Variants in KANK1 observed in about 807,000 individuals in gnomAD.
KANK1 encodes KN motif and ankyrin repeat domain-containing protein 1.
In KANK1, 109 loss-of-function variants were observed where a neutral mutation model predicts 106.2. The observed-to-expected ratio is 1.03, with a 90% CI of 0.88 to 1.20. KANK1 has a LOEUF of 1.20. Ranked by LOEUF, KANK1 falls within the 50% of genes most tolerant of loss-of-function variation. The probability of loss-of-function intolerance (pLI) is 0.00; values close to 1 mark genes in which losing one functional copy is unlikely to be tolerated. For synonymous variants in KANK1, 873 were observed against 652.2 expected (o/e 1.34, Z -5.16); for missense variants, 2,399 against 1,710.7 (o/e 1.40, Z -7.10).
intron 1 of KANK1, among the ~76,000 whole-genome samples, chr9:646,075 CTT>C: frequency 6.6e-6 from 1 of 150,866 alleles, no homozygotes; most frequent in African/African-American, 2.5e-5. Flanking sequence ...CTAATAAAGT[CTT>C]TGTTTCCTTT....
chr9:726,628 A>T (rs967855321), intron 3 of KANK1, among the ~76,000 whole-genome samples: 1 of 151,304 alleles, frequency 6.6e-6, no homozygotes, highest in Non-Finnish European at 1.5e-5. Context: ...ACAGAGTAAG[A>T]CTCTGTCTCG....
At chr9:575,826 C>G (rs1820404029) in intron 1 of KANK1, among the ~76,000 whole-genome samples, 1 of 152,214 alleles carries the variant, frequency 6.6e-6, no homozygotes, top group Non-Finnish European at 1.5e-5. Context: ...AGTTCAAGAC[C>G]AGCCTGGTCA....
chr9:701,574 C>T (rs985382562), intron 2 of KANK1, among the ~76,000 whole-genome samples: 2 of 152,156 alleles, frequency 1.3e-5, no homozygotes, highest in Non-Finnish European at 2.9e-5. Flanking sequence ...ATGTGTGCAG[C>T]AGCTCTGGCC....
At chr9:742,622 A>T (rs922083260) in intron 10 of KANK1, among the ~76,000 whole-genome samples, 1 of 152,182 alleles carries the variant, frequency 6.6e-6, no homozygotes, top group Non-Finnish European at 1.5e-5. Context: ...AAGCAGAATA[A>T]ATAGGCCCTA....
intron 2 of KANK1, among the ~76,000 whole-genome samples, chr9:694,534 T>G (rs766949388): frequency 6.6e-6 from 1 of 152,170 alleles, no homozygotes; most frequent in Non-Finnish European, 1.5e-5. Context: ...TTTGGCTGTT[T>G]TGAGACAGAT....
At chr9:549,996 A>C (rs1196372571) in intron 1 of KANK1, among the ~76,000 whole-genome samples, 1 of 152,148 alleles carries the variant, frequency 6.6e-6, no homozygotes, top group Non-Finnish European at 1.5e-5. Context: ...CACTGGGGAC[A>C]CTGAGGTGGG....
intron 1 of KANK1, among the ~76,000 whole-genome samples, chr9:663,327 C>T (rs1326760306): frequency 6.6e-6 from 1 of 152,148 alleles, no homozygotes; most frequent in Admixed American, 6.5e-5. Context: ...GGAATGCTTG[C>T]TCAGTAAGAG....
intron 3 of KANK1, among the ~76,000 whole-genome samples, chr9:714,554 C>T (rs998620918): frequency 1.8e-4 from 27 of 151,920 alleles, no homozygotes; most frequent in African/African-American, 6.0e-4. Context: ...GATAGGGTTT[C>T]ACCACATTGG....
intron 5 of KANK1, 142 bp from the exon 6 acceptor site, chr9:732,236 C>A: frequency 1.0e-6 from 1 of 964,400 alleles, no homozygotes; most frequent in South Asian, 1.7e-5. Context: ...TTAAATAGAC[C>A]TTACTTTGAA....
intron 1 of KANK1, among the ~76,000 whole-genome samples, chr9:587,818 C>T (rs1823873680): frequency 6.6e-6 from 1 of 152,184 alleles, no homozygotes; most frequent in African/African-American, 2.4e-5. Context: ...GTAATGCCAG[C>T]ACTTTAGGAG....
chr9:517,831 C>T (rs2059357532), intron 1 of KANK1, among the ~76,000 whole-genome samples: 1 of 150,384 alleles, frequency 6.6e-6, no homozygotes, highest in Non-Finnish European at 1.5e-5. Context: ...CTCCGCCTCC[C>T]AGGTTCAAGT....
intron 1 of KANK1, among the ~76,000 whole-genome samples, chr9:582,032 A>G (rs1385681520): frequency 6.6e-6 from 1 of 152,160 alleles, no homozygotes; most frequent in Non-Finnish European, 1.5e-5. Flanking sequence ...TGAATGAGGA[A>G]ATTTCAGAGA....
At chr9:715,599 G>C (rs994454181) in intron 3 of KANK1, among the ~76,000 whole-genome samples, 1 of 152,186 alleles carries the variant, frequency 6.6e-6, no homozygotes, top group African/African-American at 2.4e-5. Flanking sequence ...TCACTGGTTA[G>C]ATCCAACCCT....
At chr9:499,869 G>A (rs1564126526), upstream of KANK1, among the ~76,000 whole-genome samples, 1 of 152,206 alleles carries the variant, frequency 6.6e-6, no homozygotes, top group Non-Finnish European at 1.5e-5. Flanking sequence ...TACTGATTTA[G>A]ACAAAGAGAA....
At chr9:577,168 G>T (rs1820786839) in intron 1 of KANK1, among the ~76,000 whole-genome samples, 1 of 152,224 alleles carries the variant, frequency 6.6e-6, no homozygotes, top group Non-Finnish European at 1.5e-5. Context: ...GCATGGAAGG[G>T]AACCCAAGCG....
At chr9:544,023 A>ATTATT in intron 1 of KANK1, among the ~76,000 whole-genome samples, 1 of 150,650 alleles carries the variant, frequency 6.6e-6, no homozygotes, top group East Asian at 2.0e-4. Context: ...ATTTTATTTT[A>ATTATT]TTATTTTATT....
chr9:543,906 T>G (rs1352108929), intron 1 of KANK1, among the ~76,000 whole-genome samples: 1 of 152,218 alleles, frequency 6.6e-6, no homozygotes, highest in Non-Finnish European at 1.5e-5. Context: ...TCATATCTCT[T>G]TAATCCTGAT....
chr9:630,721 G>A (rs1022758803), intron 1 of KANK1, among the ~76,000 whole-genome samples: 2 of 151,608 alleles, frequency 1.3e-5, no homozygotes, highest in African/African-American at 2.4e-5. Context: ...GGCCAACATG[G>A]TAAAACCCTG....
At chr9:653,584 C>A (rs1024920007) in intron 1 of KANK1, among the ~76,000 whole-genome samples, 1 of 152,128 alleles carries the variant, frequency 6.6e-6, no homozygotes, top group African/African-American at 2.4e-5. Context: ...TGCAAGTTTG[C>A]TGAAAACCAC....
Sources: allele counts gnomAD v4.1 joint callset (sites outside exome capture counted in the v4.1 genomes callset), GRCh38; gene constraint gnomAD v4.1.1; transcripts MANE v1.5; gene names NCBI Gene and HGNC (gene_info 2026-07-23, HGNC 2026-07-21).